MTUS1: variants seen among roughly 807,000 people sequenced by gnomAD.
MTUS1 encodes the protein microtubule-associated tumor suppressor 1.
In MTUS1, 109 loss-of-function variants were observed where a neutral mutation model predicts 120.8. That is an observed-to-expected ratio of 0.90 (90% CI 0.77 to 1.06). The LOEUF (loss-of-function observed/expected upper bound fraction) is 1.06, where lower values mean the gene tolerates loss of function less well. Among genes scored for constraint, MTUS1 ranks in the 50% least tolerant of loss-of-function variants. The pLI, the probability that MTUS1 is intolerant of heterozygous loss-of-function variation, is 0.00. For synonymous variants in MTUS1, 737 were observed against 550.5 expected, an observed-to-expected ratio of 1.34 and a Z score of -4.74; for missense variants, 2,210 against 1,486.3, an observed-to-expected ratio of 1.49 and a Z score of -8.01.
chr8:17,793,718 T>C (rs1413594690), intron 1 of MTUS1, among the ~76,000 whole-genome samples: 1 of 152,138 alleles, frequency 6.6e-6, no homozygotes, highest in Non-Finnish European at 1.5e-5. Context: ...TCCTTCTTAA[T>C]CCTTTTGGTG....
intron 3 of MTUS1, among the ~76,000 whole-genome samples, chr8:17,738,465 AAG>A (rs888674650): frequency 6.6e-6 from 1 of 152,202 alleles, no homozygotes; most frequent in African/African-American, 2.4e-5. Flanking sequence ...TTGCCTCCAA[AAG>A]AGAGTGAAGG....
At chr8:17,671,630 G>C (rs1209286313) in intron 8 of MTUS1, among the ~76,000 whole-genome samples, 1 of 152,358 alleles carries the variant, frequency 6.6e-6, no homozygotes, top group Non-Finnish European at 1.5e-5. Flanking sequence ...ACAGCTGGAG[G>C]CTGTTAGATG....
intron 3 of MTUS1, among the ~76,000 whole-genome samples, chr8:17,741,189 T>C (rs1449298658): frequency 6.6e-6 from 1 of 152,044 alleles, no homozygotes; most frequent in Non-Finnish European, 1.5e-5. Flanking sequence ...CATCTCTTCA[T>C]CTTTTTCTAA....
At chr8:17,687,525 A>G (rs529217001) in intron 6 of MTUS1, among the ~76,000 whole-genome samples, 75 of 152,356 alleles carry the variant, frequency 4.9e-4, no homozygotes, top group Non-Finnish European at 9.4e-4. Flanking sequence ...AAGGTTTTAT[A>G]CAGAAGTATA....
intron 2 of MTUS1, among the ~76,000 whole-genome samples, chr8:17,745,433 T>C (rs2047670145): frequency 6.6e-6 from 1 of 152,274 alleles, no homozygotes; most frequent in Admixed American, 6.5e-5. Context: ...GTTCAAGTTT[T>C]GCTTTTTGAA....
rs551955952 is a variant in MTUS1 at position 17,798,295 on chromosome 8, T to C, written c.-155+2766A>G. On this transcript the variant is annotated intron_variant, in intron 1 of 14. Transcript: ENST00000693296. Reference sequence around the variant, plus strand: ...AGTCTCTAACCCAAGATATGGAAGTTCTTGCAATGAATTTGAAAAGATTCT... The same window carrying C: ...AGTCTCTAACCCAAGATATGGAAGTCCTTGCAATGAATTTGAAAAGATTCT... Among the ~76,000 whole-genome samples, 38 of 152,294 alleles carry C rather than the reference T, an allele frequency of 2.5e-4. 1 individual carries two copies. The Middle Eastern group carries it at 0.01, about 41-fold the overall frequency.
At chr8:17,761,045 G>C (rs6991865) in intron 1 of MTUS1, among the ~76,000 whole-genome samples, 116,478 of 151,946 alleles carry the variant, frequency 0.77, 45,535 homozygotes, top group East Asian at 0.85. Context: ...TTTTGGACCA[G>C]AGAGAACAAA....
At chr8:17,792,453 G>T (rs530502235) in intron 1 of MTUS1, among the ~76,000 whole-genome samples, 5 of 152,294 alleles carry the variant, frequency 3.3e-5, no homozygotes, top group African/African-American at 1.2e-4. Flanking sequence ...TTTTCTCATA[G>T]AAACAGAAAT....
At chr8:17,721,742 G>A in intron 4 of MTUS1, 2 of 1,602,016 alleles carry the variant, frequency 1.2e-6, no homozygotes, top group Non-Finnish European at 1.7e-6. Flanking sequence ...GCTAACAAAG[G>A]AATTATACAA....
At chr8:17,789,773 C>T (rs1023622439) in intron 1 of MTUS1, among the ~76,000 whole-genome samples, 5 of 152,204 alleles carry the variant, frequency 3.3e-5, no homozygotes, top group Non-Finnish European at 7.3e-5. Flanking sequence ...AGCAGCCCAA[C>T]GATAGCCAAC....
At chr8:17,702,888 T>G (rs1365857063) in intron 6 of MTUS1, among the ~76,000 whole-genome samples, 1 of 152,204 alleles carries the variant, frequency 6.6e-6, no homozygotes, top group Non-Finnish European at 1.5e-5. Flanking sequence ...GAAACATAAA[T>G]TGTGACGATT....
At chr8:17,701,840 C>T (rs1324768309) in intron 6 of MTUS1, among the ~76,000 whole-genome samples, 1 of 152,192 alleles carries the variant, frequency 6.6e-6, no homozygotes, top group East Asian at 1.9e-4. Flanking sequence ...TGAGCCACCG[C>T]ACCCGGCCAG....
chr8:17,764,189 TCAAAA>T (rs1479158202), intron 1 of MTUS1, among the ~76,000 whole-genome samples: 2 of 152,204 alleles, frequency 1.3e-5, no homozygotes, highest in African/African-American at 4.8e-5. Flanking sequence ...TTTTGTTTTG[TCAAAA>T]CAAAGATGTT....
chr8:17,769,637 C>T (rs10106511), intron 1 of MTUS1, among the ~76,000 whole-genome samples: 3,327 of 152,074 alleles, frequency 0.022, 111 homozygotes, highest in African/African-American at 0.076. Context: ...GTGAGCCACC[C>T]GCGCCCGGCC....
intron 1 of MTUS1, among the ~76,000 whole-genome samples, chr8:17,765,261 C>T (rs1276653859): frequency 6.6e-6 from 1 of 152,184 alleles, no homozygotes; most frequent in Non-Finnish European, 1.5e-5. Flanking sequence ...CTGAAGCCTA[C>T]CTCCTGCTGT....
rs372293033 is a variant in MTUS1 at position 17,755,194 on chromosome 8, T to G, written c.614A>C (p.Tyr205Ser). 2.5e-6 allele frequency: 4 copies of G among 1,614,214 alleles called. No homozygotes were observed. Among genetic ancestry groups the G allele is most frequent in the Non-Finnish European group, 3.4e-6 (4 of 1,180,036 alleles). The change falls in exon 2 of 15, where the codon TAT (tyrosine) becomes TCT (serine). Residue 205 changes from tyrosine (Y) to serine (S), a missense_variant. Coordinates refer to ENST00000693296, the MANE Select transcript of MTUS1 (RefSeq NM_001363059.2). ...RRSGSTSSLS[Y>S]STWTSSHSDK... ...AGAATGGGAAGATGTCCAAGTGGAA[T>G]AGGATAAAGAAGATGTACTTCCACT... is the stretch of plus-strand genomic sequence containing the variant.
At chr8:17,679,361 G>A (rs1417441956) in intron 7 of MTUS1, among the ~76,000 whole-genome samples, 2 of 127,428 alleles carry the variant, frequency 1.6e-5, no homozygotes, top group African/African-American at 8.3e-5. Flanking sequence ...GCGCGCGTGT[G>A]TGTGTGTGTG....
chr8:17,674,646 C>T (rs1367685589), intron 8 of MTUS1: 25 of 986,590 alleles, frequency 2.5e-5, no homozygotes, highest in African/African-American at 7.0e-5. Flanking sequence ...GGTGTTGAGA[C>T]GTGGGGCTCC....
rs201951533 is a variant in MTUS1, at chr8:17,754,153, A to G, written c.1655T>C (p.Val552Ala). The G allele has an allele frequency of 1.2e-4, 198 of 1,613,148 alleles. No individual in the cohort carries two copies. Among genetic ancestry groups the G allele is most frequent in the Non-Finnish European group, 1.6e-4 (185 of 1,179,896 alleles). The change falls in exon 2 of 15, where the codon GTC (valine) becomes GCC (alanine). Residue 552 changes from valine to alanine, a missense_variant. Physicochemically the swap from Val to Ala is moderately conservative, Grantham distance 64 (BLOSUM62 0). Transcript: ENST00000693296. ...PSSVNSRQQT[V>A]LSRTPRSDLN... ...GTCAGATCTCGGTGTTCTGCTCAAGACTGTTTGTTGTCTTGAATTCACTGA... is the reference window on the plus strand; with the variant it reads ...GTCAGATCTCGGTGTTCTGCTCAAGGCTGTTTGTTGTCTTGAATTCACTGA...
Sources: allele counts gnomAD v4.1 joint callset (sites outside exome capture counted in the v4.1 genomes callset), GRCh38; gene constraint gnomAD v4.1.1; transcripts MANE v1.5; gene names NCBI Gene and HGNC (gene_info 2026-07-23, HGNC 2026-07-21).